DOCK5: variants seen among roughly 807,000 people sequenced by gnomAD.
DOCK5 encodes dedicator of cytokinesis protein 5.
In DOCK5, 142 loss-of-function variants were observed where a neutral mutation model predicts 251.8. That is an observed-to-expected ratio of 0.56 (90% CI 0.49 to 0.65). The LOEUF (loss-of-function observed/expected upper bound fraction) is 0.65. DOCK5 is among the 30% of genes least tolerant of loss of function. DOCK5 has a pLI of 0.00. For missense variants in DOCK5, 2,111 were observed against 2,312.3 expected, an observed-to-expected ratio of 0.91 and a Z score of 1.79; for synonymous variants, 842 against 835.5, an observed-to-expected ratio of 1.01 and a Z score of -0.13.
At position 25,215,248 on chromosome 8, in the gene DOCK5, A is replaced by G. The variant is rs188077047; in HGVS notation, c.44-28426A>G. Among the ~76,000 whole-genome samples, 54 of 152,256 alleles carry G rather than the reference A, an allele frequency of 3.5e-4. No individual in the cohort carries two copies. In the East Asian group the frequency reaches 9.7e-3, roughly 27 times the overall value. On this transcript the variant is annotated intron_variant, in intron 1 of 51. Coordinates refer to ENST00000276440, the MANE Select transcript of DOCK5 (RefSeq NM_024940.8). ...ACCAGTTTGATTTCAGCTTTAAAACATGGATAGGCTAGGGTGACACTGCCA... is the reference window on the plus strand; with the variant it reads ...ACCAGTTTGATTTCAGCTTTAAAACGTGGATAGGCTAGGGTGACACTGCCA...
intron 31 of DOCK5, among the ~76,000 whole-genome samples, chr8:25,367,956 C>T (rs568255685): frequency 7.2e-5 from 11 of 152,236 alleles, no homozygotes; most frequent in African/African-American, 2.6e-4. Context: ...TTGTTAATCT[C>T]ATCTTCTCAG....
At chr8:25,319,500 G>A (rs1037021618) in intron 14 of DOCK5, 78 bp from the exon 15 acceptor site, 8 of 938,670 alleles carry the variant, frequency 8.5e-6, no homozygotes, top group East Asian at 5.3e-5. Context: ...GGGGTGAGGG[G>A]CTTGTGCATG....
intron 1 of DOCK5, among the ~76,000 whole-genome samples, chr8:25,227,549 G>A (rs1802561411): frequency 6.6e-6 from 1 of 152,068 alleles, no homozygotes; most frequent in African/African-American, 2.4e-5. Flanking sequence ...CTTATAGAAA[G>A]TTCCAATGTC....
intron 28 of DOCK5, 116 bp downstream of exon 28, chr8:25,359,177 A>G (rs561017973): frequency 2.5e-6 from 2 of 815,350 alleles, no homozygotes; most frequent in African/African-American, 1.7e-5. Context: ...CTCCGGTGCT[A>G]TGTGGCTGTC....
intron 45 of DOCK5, among the ~76,000 whole-genome samples, chr8:25,396,967 T>A (rs1801356891): frequency 1.3e-5 from 2 of 152,074 alleles, no homozygotes; most frequent in African/African-American, 4.8e-5. Context: ...ATGCCTGTAA[T>A]CCCAGCACTT....
At chr8:25,334,678 C>T (rs1463699978) in intron 21 of DOCK5, among the ~76,000 whole-genome samples, 1 of 151,164 alleles carries the variant, frequency 6.6e-6, no homozygotes, top group African/African-American at 2.4e-5. Flanking sequence ...TGCCATTGCA[C>T]TCCAGCCTAA....
At chr8:25,373,798 C>T (rs530932856) in intron 36 of DOCK5, 140 bp downstream of exon 36, 3 of 751,620 alleles carry the variant, frequency 4.0e-6, no homozygotes, top group East Asian at 5.6e-5. Context: ...TCCATTCACC[C>T]TGAACCGACA....
At position 25,311,900 on chromosome 8, in the gene DOCK5, C is replaced by T. The variant is rs548875836; in HGVS notation, c.1318+1368C>T. Among the ~76,000 whole-genome samples the T allele has an allele frequency of 2.8e-5, 4 of 144,730 alleles. No homozygotes were observed. The East Asian group carries it at 8.1e-4, about 29-fold the overall frequency. 94.9% of individuals were successfully genotyped at this position (144,730 alleles called of 152,430 possible). On this transcript the variant is annotated intron_variant, in intron 13 of 51. Coordinates refer to ENST00000276440, the MANE Select transcript of DOCK5 (RefSeq NM_024940.8). Reference sequence around the variant, plus strand: ...TCGCACCACTGCAACCCAGCCTGGGCAACAGAGCAAGACTCTGCCTCCAAA... The same window carrying T: ...TCGCACCACTGCAACCCAGCCTGGGTAACAGAGCAAGACTCTGCCTCCAAA...
chr8:25,270,932 A>G, intron 3 of DOCK5: 2 of 615,900 alleles, frequency 3.2e-6, no homozygotes, highest in Non-Finnish European at 6.0e-6. Context: ...AATACCTAAT[A>G]CAATGTAAAT....
chr8:25,353,925 G>C (rs529655006), intron 27 of DOCK5, among the ~76,000 whole-genome samples: 2 of 151,756 alleles, frequency 1.3e-5, no homozygotes, highest in Admixed American at 1.3e-4. Flanking sequence ...CGGAGGCTGA[G>C]GTAGGAGAAT....
chr8:25,378,906 T>A lies in DOCK5; in HGVS notation c.3937-1399T>A, dbSNP rs553875331. The stretch of plus-strand genomic sequence containing the variant: ...AAAGAGAGGAATTTTACAGCTGGGC[T>A]GCCGGGGGCGACATCACATATCGGT... On this transcript the variant is annotated intron_variant, in intron 38 of 51. Transcript: ENST00000276440. 3.9e-5 allele frequency among the ~76,000 whole-genome samples: 6 copies of A among 152,338 alleles called. No individual in the cohort carries two copies. In the South Asian group the frequency reaches 1.0e-3, roughly 26 times the overall value.
At chr8:25,254,074 A>G (rs569546914) in intron 2 of DOCK5, among the ~76,000 whole-genome samples, 1 of 152,328 alleles carries the variant, frequency 6.6e-6, no homozygotes, top group African/African-American at 2.4e-5. Flanking sequence ...AGAGCTCACA[A>G]ATAGACCCAC....
intron 8 of DOCK5, 77 bp downstream of exon 8, chr8:25,299,178 C>A: frequency 6.6e-7 from 1 of 1,505,176 alleles, no homozygotes; most frequent in South Asian, 1.3e-5. Context: ...CCGGGCAGCT[C>A]TTTGCCAGAT....
chr8:25,275,478 G>A, intron 4 of DOCK5, 37 bp downstream of exon 4: 1 of 1,555,638 alleles, frequency 6.4e-7, no homozygotes, highest in Non-Finnish European at 8.8e-7. Context: ...CAAAAATGAT[G>A]AAGATGTAAC....
chr8:25,340,304 G>A (rs1805921837), intron 22 of DOCK5, among the ~76,000 whole-genome samples: 1 of 152,198 alleles, frequency 6.6e-6, no homozygotes, highest in East Asian at 1.9e-4. Flanking sequence ...TAAGGTATAG[G>A]TGAATGGAGG....
At chr8:25,339,278 G>T (rs1297087384) in intron 22 of DOCK5, among the ~76,000 whole-genome samples, 1 of 152,092 alleles carries the variant, frequency 6.6e-6, no homozygotes, top group African/African-American at 2.4e-5. Context: ...ATTGTAAATT[G>T]CTCCCAATAG....
intron 2 of DOCK5, among the ~76,000 whole-genome samples, chr8:25,266,461 C>T (rs183119560): frequency 4.0e-5 from 6 of 151,796 alleles, no homozygotes; most frequent in East Asian, 1.9e-4. Flanking sequence ...GTGATCCGCC[C>T]GCCTCAGCCT....
In DOCK5 at chr8:25,308,852, T is replaced by C; in HGVS notation, c.1119T>C (p.Ile373=). The part of the protein sequence containing the change: ...IMSPLITSHV[I]GENEPLTSVL... ...CGCCTTTGATAACATCACACGTGAT[T>C]GGGGAGAATGAGCCACTCACTTCAG... The change falls in exon 12 of 52, where the codon ATT becomes ATC. Residue 373 remains isoleucine (I), a synonymous_variant. Transcript: ENST00000276440. 6.2e-7 allele frequency: 1 copy of C among 1,613,854 alleles called. No homozygotes were observed. Among genetic ancestry groups the C allele is most frequent in the Non-Finnish European group, 8.5e-7 (1 of 1,179,844 alleles).
intron 1 of DOCK5, among the ~76,000 whole-genome samples, chr8:25,187,364 TTGTGTG>T (rs34685735): frequency 1.7e-3 from 239 of 136,600 alleles, no homozygotes; most frequent in Middle Eastern, 3.8e-3. Context: ...TGGGTGGAAA[TTGTGTG>T]TGTGTGTGTG....
Sources: allele counts gnomAD v4.1 joint callset (sites outside exome capture counted in the v4.1 genomes callset), GRCh38; gene constraint gnomAD v4.1.1; transcripts MANE v1.5; gene names NCBI Gene and HGNC (gene_info 2026-07-23, HGNC 2026-07-21).